GTF3C2: variants seen among roughly 807,000 people sequenced by gnomAD.
GTF3C2 encodes general transcription factor IIIC subunit 2, also known as general transcription factor 3C polypeptide 2.
In GTF3C2, 17 loss-of-function variants were observed where a neutral mutation model predicts 117.4. The ratio of observed to expected loss-of-function variants is 0.14; its 90% CI spans 0.10 to 0.22. GTF3C2 has a LOEUF of 0.22. Among genes scored for constraint, GTF3C2 ranks in the 10% least tolerant of loss-of-function variants. GTF3C2 has a pLI of 1.00. For synonymous variants in GTF3C2, 437 were observed against 427.0 expected, an observed-to-expected ratio of 1.02 and a Z score of -0.29; for missense variants, 888 against 1,143.6, an observed-to-expected ratio of 0.78 and a Z score of 3.22.
At chr2:27,342,005 G>A (rs1261051887) in exon 4 of GTF3C2, 1 of 1,614,120 alleles carries the variant, frequency 6.2e-7, no homozygotes, top group East Asian at 2.2e-5. Flanking sequence ...GTTCAGATGA[G>A]CTCTCACTTG....
At chr2:27,342,474 C>A in intron 3 of GTF3C2, 1 of 552,922 alleles carries the variant, frequency 1.8e-6, no homozygotes, top group South Asian at 2.5e-5. Flanking sequence ...ACTCCAAGTT[C>A]AATACATTTT....
At chr2:27,351,977 C>T (rs1190637597) in intron 1 of GTF3C2, among the ~76,000 whole-genome samples, 1 of 152,158 alleles carries the variant, frequency 6.6e-6, no homozygotes, top group Non-Finnish European at 1.5e-5. Context: ...ATCACCCAAA[C>T]CTCTTAACCT....
intron 17 of GTF3C2, 65 bp from the exon 18 acceptor site, chr2:27,327,349 G>A (rs1680115012): frequency 2.5e-6 from 2 of 796,026 alleles, no homozygotes; most frequent in East Asian, 5.3e-5. Context: ...TTAAGACGGA[G>A]TCTCGCTCTG....
chr2:27,340,174 T>C (rs1021683324), intron 4 of GTF3C2: 1 of 151,986 alleles, frequency 6.6e-6, no homozygotes, highest in East Asian at 1.9e-4. Flanking sequence ...TTAATTCTCT[T>C]ACATATTCCA....
chr2:27,345,568 G>A (rs1056098370), intron 1 of GTF3C2, among the ~76,000 whole-genome samples: 1 of 151,978 alleles, frequency 6.6e-6, no homozygotes, highest in Non-Finnish European at 1.5e-5. Context: ...ACTCCAGCCT[G>A]GGTGACAGAG....
At chr2:27,350,449 A>G (rs962952270) in intron 1 of GTF3C2, 40 of 985,624 alleles carry the variant, frequency 4.1e-5, no homozygotes, top group Non-Finnish European at 4.8e-5. Context: ...AACAGTTGGT[A>G]GGAACAAGTG....
exon 16 of GTF3C2, chr2:27,328,551 T>C: frequency 6.2e-7 from 1 of 1,609,762 alleles, no homozygotes; most frequent in Non-Finnish European, 8.5e-7. Context: ...TCCCCGGATA[T>C]ATCTCCTGCA....
chr2:27,338,565 C>G (rs1680590719), intron 4 of GTF3C2, among the ~76,000 whole-genome samples: 2 of 152,164 alleles, frequency 1.3e-5, no homozygotes, highest in South Asian at 4.1e-4. Flanking sequence ...GGGTCTCACT[C>G]TGTTGCCCAG....
intron 4 of GTF3C2, chr2:27,340,165 TAATTCTCTTACATATTCC>T (rs1475293550): frequency 3.9e-5 from 6 of 152,008 alleles, no homozygotes; most frequent in African/African-American, 1.5e-4. Context: ...CAAATACTGT[TAATTCTCTTACATATTCC>T]ATTATGTGAG....
In GTF3C2 at chr2:27,346,473, G is replaced by C. The variant is rs146863580; in HGVS notation, c.-24-2895C>G. ...CTCAAGTGATCCTCCCACCTCAGCC[G>C]CCTGAGTAGTTGGGACTACAGGCAT... On this transcript the variant is annotated intron_variant, in intron 1 of 18. Coordinates refer to ENST00000264720, the Ensembl canonical transcript of GTF3C2. Among the ~76,000 whole-genome samples, 3 of 139,888 alleles carry C rather than the reference G, an allele frequency of 2.1e-5. No individual in the cohort carries two copies. The Admixed American group carries it at 2.2e-4, about 10-fold the overall frequency. The allele number at this position is 139,888 out of a possible 152,430, so 91.8% of individuals were successfully genotyped here. A position where few individuals can be genotyped will look rare whatever the true frequency, so the allele number is the denominator to read the frequency against.
chr2:27,326,693 G>A lies in GTF3C2; in HGVS notation c.2718C>T (p.Arg906=), dbSNP rs780492879. 3.1e-6 allele frequency: 5 copies of A among 1,613,640 alleles called. No homozygotes were observed. In the African/African-American group the frequency reaches 4.0e-5, roughly 13 times the overall value. Reference sequence around the variant, plus strand: ...GCCAAGGCTAGGGAGTGGGCAGAAGGCGATGGCTGGTTGGAGAGAAGCCAG... The same window carrying A: ...GCCAAGGCTAGGGAGTGGGCAGAAGACGATGGCTGGTTGGAGAGAAGCCAG... Residue 906 remains arginine (R), a synonymous_variant, in exon 19 of 19, where the codon CGC becomes CGT. Coordinates refer to ENST00000264720, the Ensembl canonical transcript of GTF3C2.
intron 1 of GTF3C2, among the ~76,000 whole-genome samples, chr2:27,345,930 G>A (rs949999699): frequency 2.0e-4 from 31 of 151,238 alleles, no homozygotes; most frequent in Non-Finnish European, 4.1e-4. Context: ...GACCAGGCTG[G>A]TCTTGGACTC....
chr2:27,328,270 G>A, intron 16 of GTF3C2, 81 bp from the exon 17 acceptor site: 1 of 1,189,726 alleles, frequency 8.4e-7, no homozygotes. Context: ...GGCAGGAAAG[G>A]CTTAAAGATG....
In GTF3C2 at chr2:27,327,382, G is replaced by A. The variant is rs1021836687; in HGVS notation, c.2410-98C>T. On this transcript the variant is annotated intron_variant, in intron 17 of 18. Transcript: ENST00000264720. ...CTGTCACCCAGGCTGGAGTGCAGTG[G>A]CGCGATCTTGGCAGCTCACTACAAC... 10 of 593,910 alleles carry A rather than the reference G, an allele frequency of 1.7e-5. 1 individual carries two copies. Among genetic ancestry groups the A allele is most frequent in the Admixed American group, 5.5e-5 (2 of 36,214 alleles). 36.8% of individuals were successfully genotyped at this position (593,910 alleles called of 1,614,324 possible). A position where few individuals can be genotyped will look rare whatever the true frequency, so the allele number is the denominator to read the frequency against.
At position 27,341,873 on chromosome 2, in the gene GTF3C2, T is replaced by C. The variant is rs76845159; in HGVS notation, c.855+75A>G. On this transcript the variant is annotated intron_variant, in intron 4 of 18. Coordinates refer to ENST00000264720, the Ensembl canonical transcript of GTF3C2. ...TATAGTTACCAGGTCAAAGCTGTCC[T>C]TCCTTTCTCAGTACCTTGCTGGTCC... 7,142 of 1,286,150 alleles carry C rather than the reference T, an allele frequency of 5.6e-3. 24 individuals are homozygous for C. Among genetic ancestry groups the C allele is most frequent in the Non-Finnish European group, 7.2e-3 (6,557 of 907,750 alleles). 79.7% of individuals were successfully genotyped at this position (1,286,150 alleles called of 1,614,324 possible).
intron 1 of GTF3C2, chr2:27,350,563 G>T: frequency 1.1e-6 from 1 of 923,962 alleles, no homozygotes; most frequent in Non-Finnish European, 1.3e-6. Context: ...ACTTTGGGAG[G>T]CCAAGGTGGG....
chr2:27,338,435 TACACAGGCGCGCAC>T (rs995658595), intron 4 of GTF3C2, among the ~76,000 whole-genome samples: 2 of 144,936 alleles, frequency 1.4e-5, no homozygotes, highest in African/African-American at 2.7e-5. Flanking sequence ...CTCGCCCCTC[TACACAGGCGCGCAC>T]GCGCACGCGC....
At chr2:27,330,140 C>CA (rs35471821) in intron 12 of GTF3C2, among the ~76,000 whole-genome samples, 42,401 of 83,900 alleles carry the variant, frequency 0.51, 9,263 homozygotes, top group African/African-American at 0.61. Context: ...GACTCCGTCT[C>CA]AAAAAAAAAA....
At chr2:27,328,361 T>C (rs1169160564) in intron 16 of GTF3C2, 107 bp downstream of exon 16, 1 of 1,217,870 alleles carries the variant, frequency 8.2e-7, no homozygotes, top group Non-Finnish European at 1.2e-6. Context: ...TAAGATTTTC[T>C]GGGATATCAG....
Sources: gnomAD v4.1 joint callset for allele counts (sites outside exome capture counted in the v4.1 genomes callset) on GRCh38, gnomAD v4.1.1 for gene constraint, MANE v1.5 for transcripts, NCBI Gene and HGNC (gene_info 2026-07-23, HGNC 2026-07-21) for gene names.